The following SPEG variants were observed in gnomAD, a reference collection of about 807,000 sequenced individuals.
The protein encoded by SPEG is striated muscle preferentially expressed protein kinase.
In SPEG, 114 loss-of-function variants were observed where a neutral mutation model predicts 300.4. The observed-to-expected ratio is 0.38, with a 90% CI of 0.33 to 0.44. The LOEUF is 0.44. SPEG is among the 20% of genes least tolerant of loss of function. The probability of loss-of-function intolerance (pLI) is 1.00; values close to 1 mark genes in which losing one functional copy is unlikely to be tolerated. For missense variants in SPEG, 4,201 were observed against 4,586.2 expected (o/e 0.92, Z 2.43); for synonymous variants, 1,964 against 2,018.9 (o/e 0.97, Z 0.73).
rs747794859 is a variant in SPEG at position 219,483,135 on chromosome 2, G to A, written c.5672G>A (p.Arg1891His). The change falls in exon 30 of 41, where the codon CGC becomes CAC. Residue 1891 changes from arginine (R) to histidine (H), a missense_variant. Arg to His is a conservative substitution (Grantham distance 29). Transcript: ENST00000312358. ...QISYKCHLVLRPIPELLRAPP... is the reference protein window; with the variant it reads ...QISYKCHLVLHPIPELLRAPP... ...AGCTACAAATGCCACCTGGTGCTGC[G>A]CCCCATCCCCGAGCTGCTGCGGGCC... The A allele has an allele frequency of 1.7e-5, 28 of 1,608,650 alleles. No individual in the cohort carries two copies. Among genetic ancestry groups the A allele is most frequent in the African/African-American group, 2.7e-5 (2 of 74,870 alleles).
rs868493086 is a variant in SPEG at position 219,462,352 on chromosome 2, C to T, written c.2671C>T (p.Arg891Cys). 26 of 1,566,560 alleles carry T rather than the reference C, an allele frequency of 1.7e-5. No homozygotes were observed. The highest frequency in any genetic ancestry group is 2.3e-5 in the South Asian group (2 of 85,170). Residue 891 changes from arginine (R) to cysteine (C), a missense_variant, in exon 8 of 41, where the codon CGC (arginine) becomes TGC (cysteine). Transcript: ENST00000312358. Reference sequence around the variant, plus strand: ...AGGCCAAGATGTCATCATGAGCATCCGCGTGCAGGGGGAGCCCAAGCCTGT... The same window carrying T: ...AGGCCAAGATGTCATCATGAGCATCTGCGTGCAGGGGGAGCCCAAGCCTGT... The part of the protein sequence containing the change: ...REGQDVIMSI[R>C]VQGEPKPVVS...
chr2:219,467,983 T>C (rs1455471939), intron 10 of SPEG, among the ~76,000 whole-genome samples: 1 of 152,186 alleles, frequency 6.6e-6, no homozygotes, highest in Admixed American at 6.5e-5. Context: ...CCTGCCCACA[T>C]GGAAGGGCAG....
In SPEG at chr2:219,468,711, C is replaced by A; in HGVS notation, c.3276C>A (p.Pro1092=). ...RFDCKISGTP[P]PVVTWTHFGC... is the part of the protein sequence containing the mutation. Reference sequence around the variant, plus strand: ...ACTGCAAGATCAGTGGCACCCCGCCCCCTGTTGTTACCTGGACTCATTTTG... The same window carrying A: ...ACTGCAAGATCAGTGGCACCCCGCCACCTGTTGTTACCTGGACTCATTTTG... Residue 1092 remains proline, a synonymous_variant, in exon 11 of 41, where the codon CCC becomes CCA. Coordinates refer to ENST00000312358, the MANE Select transcript of SPEG (RefSeq NM_005876.5). 6.2e-7 allele frequency: 1 copy of A among 1,614,150 alleles called. No individual in the cohort carries two copies. The highest frequency in any genetic ancestry group is 8.5e-7 in the Non-Finnish European group (1 of 1,180,004).
In SPEG at chr2:219,435,292, G is replaced by A. The variant is rs1369675144; in HGVS notation, c.315G>A (p.Val105=). ...LRRCGAQDAG[V]YSCMAQNERG... Reference sequence around the variant, plus strand: ...GCTGCGGGGCGCAGGACGCCGGCGTGTACAGCTGCATGGCCCAGAACGAGC... The same window carrying A: ...GCTGCGGGGCGCAGGACGCCGGCGTATACAGCTGCATGGCCCAGAACGAGC... The change falls in exon 1 of 41, where the codon GTG becomes GTA. Residue 105 remains valine, a synonymous_variant. Coordinates refer to ENST00000312358, the MANE Select transcript of SPEG (RefSeq NM_005876.5). 6.6e-7 allele frequency: 1 copy of A among 1,522,228 alleles called. No homozygotes were observed. Among genetic ancestry groups the A allele is most frequent in the South Asian group, 1.2e-5 (1 of 83,612 alleles). 94.3% of individuals were successfully genotyped at this position (1,522,228 alleles called of 1,614,324 possible). A position where few individuals can be genotyped will look rare whatever the true frequency, so the allele number is the denominator to read the frequency against.
At position 219,473,966 on chromosome 2, in the gene SPEG, C is replaced by G. The variant is rs1213379146; in HGVS notation, c.4447+63C>G. On this transcript the variant is annotated intron_variant, in intron 18 of 40. Transcript: ENST00000312358. This position sits in a 1 kb window ranked among gnomAD's most constrained non-coding sequence, Gnocchi z 4.6. ...AGGCCCAAAGCTCTCTACTCACACC[C>G]CCAGGTACACAACCTGCCTGACACT... is the stretch of plus-strand genomic sequence containing the variant. The G allele has an allele frequency of 1.3e-6, 2 of 1,526,512 alleles. No individual in the cohort carries two copies. The highest frequency in any genetic ancestry group is 3.6e-5 in the Admixed American group (2 of 55,254). The allele number at this position is 1,526,512 out of a possible 1,614,324, so 94.6% of individuals were successfully genotyped here. A position where few individuals can be genotyped will look rare whatever the true frequency, so the allele number is the denominator to read the frequency against.
intron 4 of SPEG, among the ~76,000 whole-genome samples, chr2:219,450,170 G>T (rs1379481345): frequency 6.6e-6 from 1 of 152,118 alleles, no homozygotes; most frequent in African/African-American, 2.4e-5. Flanking sequence ...GAGATAATTA[G>T]GCCCCTGTCC....
At chr2:219,461,342 G>T in intron 6 of SPEG, 3 of 987,732 alleles carry the variant, frequency 3.0e-6, no homozygotes, top group Non-Finnish European at 3.6e-6. Context: ...AGAAGGGAAA[G>T]GGGGAGGGGC....
At chr2:219,462,837 G>A (rs1690856569) in intron 8 of SPEG, among the ~76,000 whole-genome samples, 1 of 152,218 alleles carries the variant, frequency 6.6e-6, no homozygotes, top group Non-Finnish European at 1.5e-5. Context: ...AAGATTACTT[G>A]ACCCTGGGAG....
intron 3 of SPEG, among the ~76,000 whole-genome samples, chr2:219,446,198 ATCT>A (rs1689277685): frequency 6.6e-6 from 1 of 152,062 alleles, no homozygotes; most frequent in African/African-American, 2.4e-5. Context: ...CCCTTGGCTT[ATCT>A]TCTTGGCCTT....
At chr2:219,487,915 C>T (rs762346096) in intron 31 of SPEG, among the ~76,000 whole-genome samples, 1 of 152,222 alleles carries the variant, frequency 6.6e-6, no homozygotes, top group Admixed American at 6.5e-5. Context: ...AGGCCCTGCT[C>T]TAAGTGATTT....
intron 32 of SPEG, 86 bp from the exon 33 acceptor site, chr2:219,488,412 G>A (rs1207222706): frequency 1.3e-6 from 2 of 1,503,344 alleles, no homozygotes; most frequent in African/African-American, 1.4e-5. Context: ...CACGGTTAGG[G>A]GGGATGCTGG....
Position 219,481,337 on chromosome 2 carries a change from T to C in SPEG, c.5403T>C (p.Asn1801=). The C allele has an allele frequency of 1.2e-6, 2 of 1,613,952 alleles. No individual in the cohort carries two copies. Among genetic ancestry groups the C allele is most frequent in the Non-Finnish European group, 1.7e-6 (2 of 1,179,996 alleles). The part of the protein sequence containing the change: ...LTGISPFVGE[N]DRTTLMNIRN... ...GAATCTCCCCGTTTGTTGGGGAAAA[T>C]GACCGGACAACATTGATGAACATCC... The change falls in exon 27 of 41, where the codon AAT becomes AAC. Residue 1801 remains asparagine, a synonymous_variant. Coordinates refer to ENST00000312358, the MANE Select transcript of SPEG (RefSeq NM_005876.5). The surrounding 1 kb of genome is among the most constrained non-coding windows in gnomAD (Gnocchi z 5.4).
chr2:219,439,672 C>G lies in SPEG; in HGVS notation c.388+4307C>G, dbSNP rs1029921871. 6.6e-6 allele frequency among the ~76,000 whole-genome samples: 1 copy of G among 152,090 alleles called. No individual in the cohort carries two copies. Among genetic ancestry groups the G allele is most frequent in the Non-Finnish European group, 1.5e-5 (1 of 68,014 alleles). ...TCTGGGGCCAGCTGGGGAGGCCCAC[C>G]CAGAGAGCATGTTCCAGGCCAGCCC... On this transcript the variant is annotated intron_variant, in intron 1 of 40. Coordinates refer to ENST00000312358, the MANE Select transcript of SPEG (RefSeq NM_005876.5). The surrounding 1 kb of genome is among the most constrained non-coding windows in gnomAD (Gnocchi z 4.5).
Position 219,477,925 on chromosome 2 carries a change from G to A in SPEG, c.4847G>A (p.Arg1616Gln), listed in dbSNP as rs758109227. 1.9e-6 allele frequency: 3 copies of A among 1,614,114 alleles called. No individual in the cohort carries two copies. The highest frequency in any genetic ancestry group is 1.3e-5 in the African/African-American group (1 of 75,052). The change falls in exon 22 of 41, where the codon CGG (arginine) becomes CAG (glutamine). Residue 1616 changes from arginine (R) to glutamine (Q), a missense_variant. Arg to Gln is a conservative substitution (Grantham distance 43). Coordinates refer to ENST00000312358, the MANE Select transcript of SPEG (RefSeq NM_005876.5). This position sits in a 1 kb window ranked among gnomAD's most constrained non-coding sequence, Gnocchi z 6.4. ...EIGRGAFSYL[R>Q]RIVERSSGLE... ...ACCAGGGGTGCTTTCTCCTACTTGC[G>A]GCGCATAGTGGAGCGTAGCTCCGGC...
chr2:219,483,748 G>A lies in SPEG; in HGVS notation c.6285G>A (p.Leu2095=). The A allele has an allele frequency of 1.3e-6, 2 of 1,540,842 alleles. No individual in the cohort carries two copies. The highest frequency in any genetic ancestry group is 2.7e-5 in the African/African-American group (2 of 73,436). The change falls in exon 30 of 41, where the codon CTG becomes CTA. Residue 2095 remains leucine, a synonymous_variant. Coordinates refer to ENST00000312358, the MANE Select transcript of SPEG (RefSeq NM_005876.5). ...SGLRGPLLES[L]GGRARDPRMA... is the part of the protein sequence containing the mutation. ...TCAGGGGTCCCCTGCTGGAGAGCCT[G>A]GGGGGCCGTGCTCGGGACCCCCGGA... is the stretch of plus-strand genomic sequence containing the variant.
Position 219,485,443 on chromosome 2 carries a change from G to A in SPEG, c.7707G>A (p.Glu2569=), listed in dbSNP as rs1346469415. ...CAAACCTCTCTGCCAGCGTCCAGGA[G>A]GAGTTGGGTCACCAGTACGTGCGCA... ...SPPNLSASVQ[E]ELGHQYVRSE... is the part of the protein sequence containing the mutation. The change falls in exon 31 of 41, where the codon GAG becomes GAA. Residue 2569 remains glutamate (E), a synonymous_variant. Transcript: ENST00000312358. 6.2e-7 allele frequency: 1 copy of A among 1,602,256 alleles called. No individual in the cohort carries two copies. The highest frequency in any genetic ancestry group is 8.5e-7 in the Non-Finnish European group (1 of 1,173,890).
In SPEG at chr2:219,484,703, T is replaced by C. The variant is rs931424119; in HGVS notation, c.7240T>C (p.Ser2414Pro). The change falls in exon 30 of 41, where the codon TCC becomes CCC. Residue 2414 changes from serine to proline, a missense_variant. By Grantham distance (74) the Ser-to-Pro change is moderately conservative. Coordinates refer to ENST00000312358, the MANE Select transcript of SPEG (RefSeq NM_005876.5). Reference protein sequence around the residue: ...GLVRRLSLSLSQRLRRTPPAQ... With the variant: ...GLVRRLSLSLPQRLRRTPPAQ... ...CGTCCGCCGCCTCTCGCTGTCACTGTCCCAGCGGCTGCGGCGGACCCCTCC... is the reference window on the plus strand; with the variant it reads ...CGTCCGCCGCCTCTCGCTGTCACTGCCCCAGCGGCTGCGGCGGACCCCTCC... 4.0e-6 allele frequency: 6 copies of C among 1,509,170 alleles called. No individual in the cohort carries two copies. Among genetic ancestry groups the C allele is most frequent in the Admixed American group, 2.1e-5 (1 of 46,846 alleles). 93.5% of individuals were successfully genotyped at this position (1,509,170 alleles called of 1,614,324 possible).
intron 1 of SPEG, chr2:219,437,444 A>T (rs1185760991): frequency 6.6e-6 from 1 of 152,262 alleles, no homozygotes; most frequent in Non-Finnish European, 1.5e-5. Flanking sequence ...CCAGGCTGAC[A>T]GTGTGCAGGC....
intron 9 of SPEG, chr2:219,466,710 C>A: frequency 1.0e-6 from 1 of 999,892 alleles, no homozygotes; most frequent in Non-Finnish European, 1.2e-6. Context: ...TTTGGGGCCC[C>A]CTCCTTCTCT....
Sources: allele counts gnomAD v4.1 joint callset (sites outside exome capture counted in the v4.1 genomes callset), GRCh38; gene constraint gnomAD v4.1.1; non-coding constraint Gnocchi (gnomAD v3.1); transcripts MANE v1.5; gene names NCBI Gene and HGNC (gene_info 2026-07-23, HGNC 2026-07-21).